The following HNRNPUL1 variants were observed in gnomAD, a reference collection of about 807,000 sequenced individuals.
HNRNPUL1 encodes heterogeneous nuclear ribonucleoprotein U-like protein 1.
A neutral mutation model predicts 108.5 loss-of-function variants in HNRNPUL1; 14 were observed. The ratio of observed to expected loss-of-function variants is 0.13; its 90% CI spans 0.09 to 0.20. The LOEUF (loss-of-function observed/expected upper bound fraction) is 0.20, where lower values mean the gene tolerates loss of function less well. HNRNPUL1 is among the 10% of genes least tolerant of loss of function. The pLI is 1.00. For synonymous variants in HNRNPUL1, 422 were observed against 445.2 expected, an observed-to-expected ratio of 0.95 and a Z score of 0.66; for missense variants, 804 against 1,168.3, an observed-to-expected ratio of 0.69 and a Z score of 4.55.
intron 2 of HNRNPUL1, among the ~76,000 whole-genome samples, chr19:41,270,468 A>AT (rs937426460): frequency 1.3e-5 from 2 of 149,442 alleles, no homozygotes; most frequent in African/African-American, 2.6e-5. Flanking sequence ...TGCTGAAAAT[A>AT]TTTTTTTTAA....
intron 10 of HNRNPUL1, among the ~76,000 whole-genome samples, chr19:41,299,358 G>A (rs2037068220): frequency 6.6e-6 from 1 of 152,312 alleles, no homozygotes; most frequent in African/African-American, 2.4e-5. Context: ...CACGGCCCCA[G>A]AACTTCCAGC....
Position 41,281,218 on chromosome 19 carries a change from C to T in HNRNPUL1, c.942C>T (p.Ser314=), listed in dbSNP as rs1325483968. ...YGGTGKKSTN[S]RFENYGDKFA... The stretch of plus-strand genomic sequence containing the variant: ...GCACTGGGAAGAAGTCCACCAATAG[C>T]CGGTTTGAAAACTACGGAGACAAGT... Residue 314 remains serine, a synonymous_variant, in exon 7 of 15, where the codon AGC becomes AGT. Coordinates refer to ENST00000392006, the MANE Select transcript of HNRNPUL1 (RefSeq NM_007040.6). 1 of 1,614,082 alleles carries T rather than the reference C, an allele frequency of 6.2e-7. No homozygotes were observed. The highest frequency in any genetic ancestry group is 1.7e-4 in the Middle Eastern group (1 of 6,056).
chr19:41,267,329 A>T (rs148237446), intron 1 of HNRNPUL1, among the ~76,000 whole-genome samples: 73 of 152,248 alleles, frequency 4.8e-4, no homozygotes, highest in African/African-American at 1.7e-3. Context: ...CAGGAGAGAG[A>T]TGCTGGGGAA....
chr19:41,277,090 C>CT (rs1183184227), intron 5 of HNRNPUL1, among the ~76,000 whole-genome samples: 21 of 142,820 alleles, frequency 1.5e-4, no homozygotes, highest in Admixed American at 1.3e-3. Context: ...GAGTGAGACT[C>CT]TGTCTCAAAA....
At position 41,305,793 on chromosome 19, in the gene HNRNPUL1, C is replaced by T; in HGVS notation, c.2380C>T (p.Pro794Ser). ...CTATGGGAGCTACGGCGGTTACAAC[C>T]CGGCCCCCTATACCCCACCGCCACC... Reference protein sequence around the residue: ...YNYGSYGGYNPAPYTPPPPPT... With the variant: ...YNYGSYGGYNSAPYTPPPPPT... The change falls in exon 14 of 15, where the codon CCG becomes TCG. Residue 794 changes from proline to serine, a missense_variant. Transcript: ENST00000392006. 4 of 1,611,906 alleles carry T rather than the reference C, an allele frequency of 2.5e-6. No individual in the cohort carries two copies. The highest frequency in any genetic ancestry group is 1.1e-5 in the South Asian group (1 of 90,988).
chr19:41,264,111 GC>G (rs1390178314), upstream of HNRNPUL1, among the ~76,000 whole-genome samples: 2 of 152,192 alleles, frequency 1.3e-5, no homozygotes, highest in Admixed American at 6.5e-5. Context: ...GGACCTTACG[GC>G]AGCCGGCGCG....
chr19:41,276,551 A>T (rs910855945), intron 5 of HNRNPUL1: 2 of 381,208 alleles, frequency 5.2e-6, no homozygotes, highest in African/African-American at 2.1e-5. Flanking sequence ...GGTATTATGT[A>T]GTCAACCAGT....
chr19:41,265,059 T>C, intron 1 of HNRNPUL1: 1 of 1,410,196 alleles, frequency 7.1e-7, no homozygotes, highest in Non-Finnish European at 9.2e-7. Context: ...GAGGATTCCG[T>C]ACCGTAGGGA....
chr19:41,277,486 A>G (rs2035637584), intron 5 of HNRNPUL1, among the ~76,000 whole-genome samples: 1 of 152,028 alleles, frequency 6.6e-6, no homozygotes, highest in Admixed American at 6.6e-5. Flanking sequence ...TAAACTACGC[A>G]GTGTTTTCTT....
intron 4 of HNRNPUL1, among the ~76,000 whole-genome samples, chr19:41,275,237 C>T (rs773581319): frequency 2.2e-4 from 34 of 152,018 alleles, no homozygotes; most frequent in Non-Finnish European, 4.1e-4. Flanking sequence ...CCACAGAGGG[C>T]GGTAGGAATA....
At chr19:41,266,143 G>A (rs2034827451) in intron 1 of HNRNPUL1, among the ~76,000 whole-genome samples, 1 of 152,146 alleles carries the variant, frequency 6.6e-6, no homozygotes, top group Admixed American at 6.5e-5. Context: ...TAGAAAAAAA[G>A]CAGCTTTCGG....
chr19:41,290,361 C>T (rs572378938), intron 7 of HNRNPUL1, among the ~76,000 whole-genome samples: 3 of 152,294 alleles, frequency 2.0e-5, no homozygotes, highest in East Asian at 3.9e-4. Flanking sequence ...AAGAGCCTCT[C>T]GTATCCTGCA....
At chr19:41,277,738 C>T (rs1378661729) in intron 5 of HNRNPUL1, among the ~76,000 whole-genome samples, 1 of 152,176 alleles carries the variant, frequency 6.6e-6, no homozygotes, top group African/African-American at 2.4e-5. Context: ...AACTCCTGAG[C>T]TCAGGTGATC....
chr19:41,275,048 TGAATATTGA>T (rs1178729111), intron 4 of HNRNPUL1, among the ~76,000 whole-genome samples: 4 of 152,074 alleles, frequency 2.6e-5, no homozygotes, highest in Admixed American at 6.6e-5. Flanking sequence ...ACTGGCTCCT[TGAATATTGA>T]GAATATTGAG....
At chr19:41,295,509 G>A (rs563185597) in intron 10 of HNRNPUL1, among the ~76,000 whole-genome samples, 1 of 152,322 alleles carries the variant, frequency 6.6e-6, no homozygotes, top group East Asian at 1.9e-4. Flanking sequence ...CAACGTCATT[G>A]CCTATTGACA....
chr19:41,293,217 A>T (rs1303203965), intron 8 of HNRNPUL1, among the ~76,000 whole-genome samples: 1 of 152,222 alleles, frequency 6.6e-6, no homozygotes, highest in Non-Finnish European at 1.5e-5. Flanking sequence ...GAAGTAAAAA[A>T]TTTAAATTTT....
At chr19:41,299,481 T>G (rs1472115742) in intron 10 of HNRNPUL1, among the ~76,000 whole-genome samples, 3 of 152,218 alleles carry the variant, frequency 2.0e-5, no homozygotes, top group Non-Finnish European at 4.4e-5. Flanking sequence ...TCAATTTTCC[T>G]TGGTATTTTC....
intron 6 of HNRNPUL1, 68 bp downstream of exon 6, chr19:41,279,244 TCCTA>T: frequency 9.4e-7 from 1 of 1,064,902 alleles, no homozygotes; most frequent in Non-Finnish European, 1.4e-6. Context: ...TTTTCAAGGC[TCCTA>T]AGCTTCCTTT....
At chr19:41,281,048 A>C (rs2035870303) in intron 6 of HNRNPUL1, 115 bp from the exon 7 acceptor site, 1 of 688,460 alleles carries the variant, frequency 1.5e-6, no homozygotes, top group Non-Finnish European at 2.6e-6. Context: ...GCATCTGATT[A>C]ATAAAACTAG....
Sources: gnomAD v4.1 joint callset for allele counts (sites outside exome capture counted in the v4.1 genomes callset) on GRCh38, gnomAD v4.1.1 for gene constraint, MANE v1.5 for transcripts, NCBI Gene and HGNC (gene_info 2026-07-23, HGNC 2026-07-21) for gene names.